SLC24A2: variants seen among roughly 807,000 people sequenced by gnomAD.
SLC24A2 encodes the protein solute carrier family 24 member 2, also known as sodium/potassium/calcium exchanger 2.
SLC24A2 carries 36 observed loss-of-function variants against 62.0 expected under a neutral mutation model. The observed-to-expected ratio is 0.58, with a 90% CI of 0.44 to 0.77. SLC24A2 has a LOEUF of 0.77. Among genes scored for constraint, SLC24A2 ranks in the 30% least tolerant of loss-of-function variants. The pLI, the probability that SLC24A2 is intolerant of heterozygous loss-of-function variation, is 0.00. For missense variants in SLC24A2, 846 were observed against 817.9 expected (o/e 1.03, Z -0.42); for synonymous variants, 358 against 294.0 (o/e 1.22, Z -2.23).
the SLC24A2 span, among the ~76,000 whole-genome samples, chr9:20,268,487 C>T: frequency 9.2e-5 from 14 of 152,112 alleles, no homozygotes; most frequent in Non-Finnish European, 1.5e-4. Context: ...GGGAGTGGCA[C>T]TGAAGGGTTT....
At chr9:19,853,376 A>C in the SLC24A2 span, among the ~76,000 whole-genome samples, 1 of 151,622 alleles carries the variant, frequency 6.6e-6, no homozygotes, top group Non-Finnish European at 1.5e-5. Context: ...GAACGTTCTT[A>C]TCTTGTGCCG....
chr9:20,220,518 A>G, the SLC24A2 span, among the ~76,000 whole-genome samples: 3 of 152,132 alleles, frequency 2.0e-5, no homozygotes, highest in Non-Finnish European at 4.4e-5. Context: ...AATCTCTTTG[A>G]TGATCCATGT....
the SLC24A2 span, among the ~76,000 whole-genome samples, chr9:20,229,423 G>A: frequency 6.6e-6 from 1 of 152,184 alleles, no homozygotes; most frequent in Non-Finnish European, 1.5e-5. Context: ...CCTGGTCTGT[G>A]TTAAACACCC....
At chr9:19,998,577 T>G in the SLC24A2 span, among the ~76,000 whole-genome samples, 1 of 152,214 alleles carries the variant, frequency 6.6e-6, no homozygotes, top group Non-Finnish European at 1.5e-5. Context: ...TTATGAGGAT[T>G]AGAATTTTTA....
intron 2 of SLC24A2, among the ~76,000 whole-genome samples, chr9:19,667,782 G>A (rs1587124981): frequency 6.6e-6 from 1 of 152,162 alleles, no homozygotes; most frequent in African/African-American, 2.4e-5. Context: ...TATTCCAGCT[G>A]TTCCATGCTG....
At chr9:20,017,100 G>A in the SLC24A2 span, among the ~76,000 whole-genome samples, 1 of 152,086 alleles carries the variant, frequency 6.6e-6, no homozygotes, top group African/African-American at 2.4e-5. Flanking sequence ...TTGGCTCACT[G>A]CAACCTCTGT....
At chr9:19,672,833 T>G (rs1819456785) in intron 2 of SLC24A2, among the ~76,000 whole-genome samples, 1 of 146,542 alleles carries the variant, frequency 6.8e-6, no homozygotes, top group Non-Finnish European at 1.5e-5. Context: ...TTCCATGTAT[T>G]TGCATGGTTT....
chr9:19,990,394 G>A, the SLC24A2 span, among the ~76,000 whole-genome samples: 3 of 152,056 alleles, frequency 2.0e-5, no homozygotes, highest in South Asian at 6.2e-4. Flanking sequence ...GGTGGATCAC[G>A]AGGTCAAGAG....
intron 5 of SLC24A2, among the ~76,000 whole-genome samples, chr9:19,595,632 A>C (rs1293501278): frequency 6.6e-6 from 1 of 152,216 alleles, no homozygotes; most frequent in Non-Finnish European, 1.5e-5. Flanking sequence ...TCTTCGTCTT[A>C]TCTTAAATTG....
chr9:19,713,553 T>TA (rs1391877086), intron 2 of SLC24A2, among the ~76,000 whole-genome samples: 2 of 152,210 alleles, frequency 1.3e-5, no homozygotes, highest in Admixed American at 1.3e-4. Flanking sequence ...TCTATGTTCT[T>TA]ACCTGATTTT....
At chr9:20,137,032 A>T in the SLC24A2 span, among the ~76,000 whole-genome samples, 2 of 152,190 alleles carry the variant, frequency 1.3e-5, no homozygotes, top group South Asian at 4.1e-4. Flanking sequence ...ATGGAGGCAC[A>T]TCTCACACAA....
the SLC24A2 span, among the ~76,000 whole-genome samples, chr9:19,986,478 C>T: frequency 3.3e-5 from 5 of 152,088 alleles, no homozygotes; most frequent in Admixed American, 1.3e-4. Flanking sequence ...TTAGCAAATA[C>T]ATGTACACTC....
At chr9:19,994,404 A>G in the SLC24A2 span, among the ~76,000 whole-genome samples, 2 of 152,264 alleles carry the variant, frequency 1.3e-5, no homozygotes, top group East Asian at 3.9e-4. Flanking sequence ...CCAAGCTCTC[A>G]CCCTCCTTTC....
chr9:19,930,259 A>G, the SLC24A2 span, among the ~76,000 whole-genome samples: 1 of 152,216 alleles, frequency 6.6e-6, no homozygotes, highest in African/African-American at 2.4e-5. Flanking sequence ...CAGGTATACC[A>G]TTTAAAAAAT....
chr9:19,729,020 C>A (rs566737640), intron 2 of SLC24A2, among the ~76,000 whole-genome samples: 2 of 152,128 alleles, frequency 1.3e-5, no homozygotes, highest in Non-Finnish European at 2.9e-5. Context: ...TAATGCCCAT[C>A]GTTTCACCTT....
At chr9:19,541,433 C>T (rs560917463) in intron 8 of SLC24A2, among the ~76,000 whole-genome samples, 3 of 152,094 alleles carry the variant, frequency 2.0e-5, no homozygotes, top group African/African-American at 4.8e-5. Context: ...CAGACAGGAC[C>T]GTCAGCTGCA....
At position 19,733,719 on chromosome 9, in the gene SLC24A2, C is replaced by A. The variant is rs566234800; in HGVS notation, c.930+52218G>T. ...CAGAAGTTCTCCAATGTCCTCTGGA[C>A]CCCTGATTTTCTCATTCTTAAGACT... On this transcript the variant is annotated intron_variant, in intron 2 of 10. Transcript: ENST00000341998. Among the ~76,000 whole-genome samples, 4 of 152,266 alleles carry A rather than the reference C, an allele frequency of 2.6e-5. No individual in the cohort carries two copies. In the East Asian group the frequency reaches 7.7e-4, roughly 29 times the overall value.
chr9:19,511,025 T>G lies in SLC24A2; in HGVS notation c.*5128A>C, dbSNP rs1396225465. ...GCATGCAAAATGCCAGTGTGTACAT[T>G]AGCTGGGGGGAGTCATTGTGGAAAA... On this transcript the variant is annotated 3_prime_UTR_variant, in exon 11 of 11. Coordinates refer to ENST00000341998, the MANE Select transcript of SLC24A2 (RefSeq NM_020344.4). The G allele has an allele frequency of 2.6e-5, 4 of 152,228 alleles. No homozygotes were observed. The highest frequency in any genetic ancestry group is 9.7e-5 in the African/African-American group (4 of 41,436). 9.4% of individuals were successfully genotyped at this position (152,228 alleles called of 1,614,324 possible). A position where few individuals can be genotyped will look rare whatever the true frequency, so the allele number is the denominator to read the frequency against.
intron 7 of SLC24A2, among the ~76,000 whole-genome samples, chr9:19,570,622 A>C (rs1835810222): frequency 6.6e-6 from 1 of 152,252 alleles, no homozygotes; most frequent in African/African-American, 2.4e-5. Flanking sequence ...TTTAATGATA[A>C]ATATGAATAC....
Sources: allele counts gnomAD v4.1 joint callset (sites outside exome capture counted in the v4.1 genomes callset), GRCh38; gene constraint gnomAD v4.1.1; transcripts MANE v1.5; gene names NCBI Gene and HGNC (gene_info 2026-07-23, HGNC 2026-07-21).